The following NRF1 variants were observed in gnomAD, a reference collection of about 807,000 sequenced individuals.
NRF1 encodes the protein alpha palindromic-binding protein.
NRF1 carries 5 observed loss-of-function variants against 58.5 expected under a neutral mutation model. The observed-to-expected ratio is 0.09, with a 90% CI of 0.04 to 0.18. NRF1 has a LOEUF of 0.18. Ranked by LOEUF, NRF1 falls within the 10% of genes least tolerant of loss-of-function variation. NRF1 has a pLI of 1.00. For missense variants in NRF1, 288 were observed against 657.7 expected, an observed-to-expected ratio of 0.44 and a Z score of 6.15; for synonymous variants, 224 against 246.7, an observed-to-expected ratio of 0.91 and a Z score of 0.86.
At chr7:129,716,751 G>A (rs1803198764) in intron 8 of NRF1, among the ~76,000 whole-genome samples, 1 of 151,850 alleles carries the variant, frequency 6.6e-6, no homozygotes, top group African/African-American at 2.4e-5. Flanking sequence ...CACACCTATA[G>A]TCCCAACTAC....
At chr7:129,694,617 C>T (rs999966956) in intron 5 of NRF1, among the ~76,000 whole-genome samples, 11 of 152,348 alleles carry the variant, frequency 7.2e-5, no homozygotes, top group South Asian at 2.1e-4. Context: ...ATTCTCCCAT[C>T]TTGGCCTCCC....
chr7:129,682,093 C>T (rs1290243489), intron 4 of NRF1, among the ~76,000 whole-genome samples: 2 of 149,486 alleles, frequency 1.3e-5, no homozygotes, highest in African/African-American at 4.9e-5. Flanking sequence ...ATCAGTTAGT[C>T]AGTCAACCAG....
intron 9 of NRF1, 133 bp downstream of exon 9, chr7:129,717,509 C>T (rs1473911547): frequency 1.4e-5 from 14 of 979,988 alleles, no homozygotes; most frequent in Admixed American, 3.3e-5. Context: ...TTGGCCCATA[C>T]GATATTGTAG....
intron 1 of NRF1, among the ~76,000 whole-genome samples, chr7:129,620,227 A>G (rs1735521572): frequency 6.6e-6 from 1 of 152,150 alleles, no homozygotes; most frequent in Non-Finnish European, 1.5e-5. Flanking sequence ...GAGCACCAGA[A>G]GGAAGGTAGG....
chr7:129,673,450 T>C (rs565376518), intron 3 of NRF1, among the ~76,000 whole-genome samples: 43 of 152,162 alleles, frequency 2.8e-4, no homozygotes, highest in Admixed American at 1.4e-3. Context: ...GTTTTCGGGG[T>C]CGGGCGCGGT....
chr7:129,683,175 T>A lies in NRF1; in HGVS notation c.465+5417T>A, dbSNP rs184866387. 2.6e-5 allele frequency among the ~76,000 whole-genome samples: 4 copies of A among 152,084 alleles called. No homozygotes were observed. The East Asian group carries it at 7.8e-4, about 30-fold the overall frequency. Reference sequence around the variant, plus strand: ...GCCTTGGCCTCCCAAAGCGTTGGGATTATAGGTGTGAGCCACCAGCCCTGG... The same window carrying A: ...GCCTTGGCCTCCCAAAGCGTTGGGAATATAGGTGTGAGCCACCAGCCCTGG... On this transcript the variant is annotated intron_variant, in intron 4 of 10. Transcript: ENST00000393232.
chr7:129,689,906 T>C (rs1271297739), intron 4 of NRF1, among the ~76,000 whole-genome samples: 1 of 152,232 alleles, frequency 6.6e-6, no homozygotes, highest in Non-Finnish European at 1.5e-5. Context: ...TCTTGTATGC[T>C]TGAATCTCCT....
At chr7:129,697,917 G>A (rs1196948552) in intron 5 of NRF1, among the ~76,000 whole-genome samples, 2 of 152,012 alleles carry the variant, frequency 1.3e-5, no homozygotes, top group Non-Finnish European at 2.9e-5. Flanking sequence ...TGTATTTTTA[G>A]TAGAGAAGGG....
Position 129,741,067 on chromosome 7 carries a change from CT to C in NRF1, c.1348+13710del, listed in dbSNP as rs200610896. On this transcript the variant is annotated intron_variant, in intron 10 of 10. Coordinates refer to ENST00000393232, the MANE Select transcript of NRF1 (RefSeq NM_005011.5). This position sits in a 1 kb window ranked among gnomAD's most constrained non-coding sequence, Gnocchi z 4.0. ...TCCCTTTGGCATACCTTCATGTCCT[CT>C]TTTTTTTGTTTTTCTGTACTTCAAT... Among the ~76,000 whole-genome samples the C allele has an allele frequency of 1.3e-5, 2 of 151,978 alleles. No individual in the cohort carries two copies. Among genetic ancestry groups the C allele is most frequent in the Non-Finnish European group, 2.9e-5 (2 of 68,000 alleles).
intron 8 of NRF1, 116 bp from the exon 9 acceptor site, chr7:129,717,103 G>A: frequency 1.0e-6 from 1 of 996,832 alleles, no homozygotes. Flanking sequence ...TGCAGGTCAT[G>A]TTAATTTTAA....
At chr7:129,651,407 G>A (rs1209808448) in intron 1 of NRF1, among the ~76,000 whole-genome samples, 2 of 124,314 alleles carry the variant, frequency 1.6e-5, no homozygotes, top group Non-Finnish European at 3.3e-5. Flanking sequence ...GCAACAGAGT[G>A]AGACTCTGTC....
At chr7:129,747,448 TTTTC>T (rs1375967667) in intron 10 of NRF1, among the ~76,000 whole-genome samples, 3 of 152,210 alleles carry the variant, frequency 2.0e-5, no homozygotes, top group African/African-American at 2.4e-5. Context: ...TTGTCTCTGC[TTTTC>T]TTTCTGTTTC....
In NRF1 at chr7:129,727,452, G is replaced by T; in HGVS notation, c.1348+87G>T. The T allele has an allele frequency of 3.6e-6, 5 of 1,400,472 alleles. No homozygotes were observed. The South Asian group carries it at 7.2e-5, about 20-fold the overall frequency. The allele number at this position is 1,400,472 out of a possible 1,614,324, so 86.8% of individuals were successfully genotyped here. On this transcript the variant is annotated intron_variant, in intron 10 of 10. Coordinates refer to ENST00000393232, the MANE Select transcript of NRF1 (RefSeq NM_005011.5). ...TGACTGGCAACAAAGCCTTCAGAAA[G>T]AGTTTGAGCTTCGATTTTTTTTTCT...
intron 5 of NRF1, among the ~76,000 whole-genome samples, chr7:129,703,436 C>T (rs2116168008): frequency 6.6e-6 from 1 of 152,308 alleles, no homozygotes. Context: ...ATTAATTCAA[C>T]TGGTAATGAG....
rs1804238658 is a variant in NRF1, at chr7:129,755,764, A to G, written c.*583A>G. 6.5e-6 allele frequency: 1 copy of G among 152,906 alleles called. No individual in the cohort carries two copies. Among genetic ancestry groups the G allele is most frequent in the African/African-American group, 2.4e-5 (1 of 41,428 alleles). The allele number at this position is 152,906 out of a possible 1,614,324, so 9.5% of individuals were successfully genotyped here. A position where few individuals can be genotyped will look rare whatever the true frequency, so the allele number is the denominator to read the frequency against. ...TCACCAAAGCTGCCTCCCAGTGGCC[A>G]CACAGAACTCTCCCTGCTGGACTCA... On this transcript the variant is annotated 3_prime_UTR_variant, in exon 11 of 11. Transcript: ENST00000393232. The surrounding 1 kb of genome is among the most constrained non-coding windows in gnomAD (Gnocchi z 5.8).
intron 1 of NRF1, among the ~76,000 whole-genome samples, chr7:129,616,859 G>T (rs1461664345): frequency 6.6e-6 from 1 of 152,072 alleles, no homozygotes; most frequent in Non-Finnish European, 1.5e-5. Flanking sequence ...AGGGAGTGTT[G>T]GTGGGGAGAA....
chr7:129,745,516 C>CG (rs372698724), intron 10 of NRF1, among the ~76,000 whole-genome samples: 6 of 140,342 alleles, frequency 4.3e-5, no homozygotes, highest in Non-Finnish European at 7.8e-5. Flanking sequence ...ACCCCCCCCC[C>CG]ATCCATGGAA....
In NRF1 at chr7:129,623,997, A is replaced by G. The variant is rs531097882; in HGVS notation, c.-7+12173A>G. 2.0e-5 allele frequency among the ~76,000 whole-genome samples: 3 copies of G among 152,338 alleles called. No homozygotes were observed. The East Asian group carries it at 5.8e-4, about 29-fold the overall frequency. The stretch of plus-strand genomic sequence containing the variant: ...GGTATGAAAGCAAGAGCTAATTCTC[A>G]CTTGAGAATCCACCACAATGATTGC... On this transcript the variant is annotated intron_variant, in intron 1 of 10. Transcript: ENST00000393232.
chr7:129,637,388 G>T (rs559038995), intron 1 of NRF1, among the ~76,000 whole-genome samples: 2 of 152,196 alleles, frequency 1.3e-5, no homozygotes, highest in East Asian at 3.9e-4. Flanking sequence ...GAGGCCTCTG[G>T]TATTTCATTT....
Sources: gnomAD v4.1 joint callset for allele counts (sites outside exome capture counted in the v4.1 genomes callset) on GRCh38, gnomAD v4.1.1 for gene constraint, Gnocchi (gnomAD v3.1) non-coding constraint, MANE v1.5 for transcripts, NCBI Gene and HGNC (gene_info 2026-07-23, HGNC 2026-07-21) for gene names.